The following EIF2S1 variants were observed in gnomAD, a reference collection of about 807,000 sequenced individuals.
EIF2S1 encodes eukaryotic translation initiation factor 2 subunit 1.
Under a neutral mutation model 33.5 loss-of-function variants are expected in EIF2S1, and 5 were observed. The ratio of observed to expected loss-of-function variants is 0.15; its 90% CI spans 0.08 to 0.31. The LOEUF (loss-of-function observed/expected upper bound fraction) is 0.31, where lower values mean the gene tolerates loss of function less well. EIF2S1 is among the 10% of genes least tolerant of loss of function. The pLI is 1.00. For missense variants in EIF2S1, 191 were observed against 384.6 expected, an observed-to-expected ratio of 0.50 and a Z score of 4.21; for synonymous variants, 99 against 127.5, an observed-to-expected ratio of 0.78 and a Z score of 1.51.
At chr14:67,382,695 G>A in intron 7 of EIF2S1, 105 bp downstream of exon 7, 2 of 1,311,334 alleles carry the variant, frequency 1.5e-6, no homozygotes, top group Non-Finnish European at 2.2e-6. Context: ...ATTGTAGGAT[G>A]GTCATTCAGG....
intron 1 of EIF2S1, among the ~76,000 whole-genome samples, chr14:67,362,318 C>T (rs1015134831): frequency 6.6e-6 from 1 of 151,916 alleles, no homozygotes; most frequent in Non-Finnish European, 1.5e-5. Flanking sequence ...CTGCGCCTGG[C>T]CTGGTAAGAG....
At position 67,384,390 on chromosome 14, in the gene EIF2S1, C is replaced by T. The variant is rs1161557478; in HGVS notation, c.*950C>T. ...TTGTTTTTTTTTTTTTACATGTTTC[C>T]ATCATTTCTGTCTTTAAGAACTAAT... is the stretch of plus-strand genomic sequence containing the variant. On this transcript the variant is annotated 3_prime_UTR_variant, in exon 8 of 8. Coordinates refer to ENST00000256383, the MANE Select transcript of EIF2S1 (RefSeq NM_004094.5). 1.3e-5 allele frequency: 2 copies of T among 150,064 alleles called. No homozygotes were observed. The highest frequency in any genetic ancestry group is 1.3e-4 in the Admixed American group (2 of 15,066). 9.3% of individuals were successfully genotyped at this position (150,064 alleles called of 1,614,324 possible).
chr14:67,385,281 G>C lies in EIF2S1; in HGVS notation c.*1841G>C, dbSNP rs1315336419. ...TAACTTGAAGAACAGGCTTGGCAAA[G>C]AAGTAAGTTTATCCAAATCTTGAAT... is the stretch of plus-strand genomic sequence containing the variant. On this transcript the variant is annotated 3_prime_UTR_variant, in exon 8 of 8. Coordinates refer to ENST00000256383, the MANE Select transcript of EIF2S1 (RefSeq NM_004094.5). The C allele has an allele frequency of 2.0e-5, 3 of 152,150 alleles. No homozygotes were observed. Among genetic ancestry groups the C allele is most frequent in the Non-Finnish European group, 4.4e-5 (3 of 68,026 alleles). The allele number at this position is 152,150 out of a possible 1,614,324, so 9.4% of individuals were successfully genotyped here.
intron 2 of EIF2S1, among the ~76,000 whole-genome samples, chr14:67,367,520 C>T (rs1223723031): frequency 6.6e-6 from 1 of 152,254 alleles, no homozygotes; most frequent in East Asian, 1.9e-4. Context: ...TGAGCCACCA[C>T]GCCCCACCCC....
intron 2 of EIF2S1, among the ~76,000 whole-genome samples, chr14:67,367,948 C>G (rs1329407891): frequency 6.6e-6 from 1 of 152,086 alleles, no homozygotes; most frequent in East Asian, 1.9e-4. Context: ...TTCTTAGTTT[C>G]TTTAAAAATA....
At chr14:67,382,680 G>A (rs1218827708) in intron 7 of EIF2S1, 90 bp downstream of exon 7, 1 of 1,469,168 alleles carries the variant, frequency 6.8e-7, no homozygotes, top group Admixed American at 1.7e-5. Context: ...GCCTTGGAAT[G>A]TCATATTGTA....
intron 2 of EIF2S1, among the ~76,000 whole-genome samples, chr14:67,373,663 A>G (rs919811229): frequency 2.6e-5 from 4 of 152,192 alleles, no homozygotes; most frequent in Non-Finnish European, 5.9e-5. Context: ...TTGACAAGTT[A>G]CTTAACCTTT....
In EIF2S1 at chr14:67,364,835, A is replaced by G; in HGVS notation, c.68A>G (p.Asn23Ser). 6.2e-7 allele frequency: 1 copy of G among 1,614,038 alleles called. No homozygotes were observed. The highest frequency in any genetic ancestry group is 8.5e-7 in the Non-Finnish European group (1 of 1,179,960). Residue 23 changes from asparagine to serine, a missense_variant, in exon 2 of 8, where the codon AAT becomes AGT. Asn to Ser is a conservative substitution (Grantham distance 46). Coordinates refer to ENST00000256383, the MANE Select transcript of EIF2S1 (RefSeq NM_004094.5). ...FPEVEDVVMV[N>S]VRSIAEMGAY... The stretch of plus-strand genomic sequence containing the variant: ...GAGGTGGAAGATGTAGTGATGGTGA[A>G]TGTCAGATCCATTGCTGAAATGGGG...
intron 2 of EIF2S1, among the ~76,000 whole-genome samples, chr14:67,368,515 C>T (rs747647840): frequency 6.6e-6 from 1 of 152,084 alleles, no homozygotes; most frequent in Non-Finnish European, 1.5e-5. Flanking sequence ...ATAGTTAATA[C>T]AGTTGGCTCT....
chr14:67,375,645 T>G (rs527893788), intron 3 of EIF2S1, among the ~76,000 whole-genome samples: 1 of 152,250 alleles, frequency 6.6e-6, no homozygotes, highest in African/African-American at 2.4e-5. Flanking sequence ...TTTGTTTTAC[T>G]GATGTATTTA....
Position 67,376,602 on chromosome 14 carries a change from T to G in EIF2S1, c.473+12T>G, listed in dbSNP as rs2085858747. Reference sequence around the variant, plus strand: ...AAGCATGCAGTCTCGTAAGAATACCTTCTTGACTCTCCTTCTACCTTGATA... The same window carrying G: ...AAGCATGCAGTCTCGTAAGAATACCGTCTTGACTCTCCTTCTACCTTGATA... On this transcript the variant is annotated intron_variant, in intron 4 of 7. Coordinates refer to ENST00000256383, the MANE Select transcript of EIF2S1 (RefSeq NM_004094.5). 1 of 1,611,168 alleles carries G rather than the reference T, an allele frequency of 6.2e-7. No individual in the cohort carries two copies. The highest frequency in any genetic ancestry group is 8.5e-7 in the Non-Finnish European group (1 of 1,178,196).
At chr14:67,365,752 A>G (rs980149461) in intron 2 of EIF2S1, among the ~76,000 whole-genome samples, 1 of 152,232 alleles carries the variant, frequency 6.6e-6, no homozygotes. Flanking sequence ...GAAAGGCTTC[A>G]TATCAGTCAC....
intron 2 of EIF2S1, among the ~76,000 whole-genome samples, chr14:67,373,842 A>AGTGTGTGTGTGTGTGT (rs35163593): frequency 3.0e-4 from 44 of 145,798 alleles, no homozygotes; most frequent in African/African-American, 8.2e-4. Flanking sequence ...TAATTTGTTC[A>AGTGTGTGTGTGTGTGT]GTGTGTGTGT....
Position 67,363,607 on chromosome 14 carries a change from T to TAG in EIF2S1, c.-1-1159_-1-1158insGA, listed in dbSNP as rs1458156749. Among the ~76,000 whole-genome samples the TAG allele has an allele frequency of 4.6e-5, 7 of 152,270 alleles. No homozygotes were observed. In the East Asian group the frequency reaches 1.4e-3, roughly 29 times the overall value. On this transcript the variant is annotated intron_variant, in intron 1 of 7. Transcript: ENST00000256383. ...TGTTAGCAGTATGTGAAAGAACAAG[T>TAG]AACTTAACCTGTGCTTCAGTTTTTT...
chr14:67,380,448 G>C (rs2085882003), intron 4 of EIF2S1, among the ~76,000 whole-genome samples: 1 of 152,118 alleles, frequency 6.6e-6, no homozygotes, highest in Non-Finnish European at 1.5e-5. Flanking sequence ...GTTTTAGTCA[G>C]ATCACTAAAA....
chr14:67,379,654 C>CTTTTTTTTTTTTTTTTT (rs541791101), intron 4 of EIF2S1, among the ~76,000 whole-genome samples: 21 of 119,950 alleles, frequency 1.8e-4, no homozygotes, highest in South Asian at 1.2e-3. Context: ...TTTTCTTTTT[C>CTTTTTTTTTTTTTTTTT]TTTTTTTTTT....
Position 67,379,654 on chromosome 14 carries a change from C to CTTTTTTTTTTTTTT in EIF2S1, c.474-1000_474-987dup, listed in dbSNP as rs541791101. Among the ~76,000 whole-genome samples, 89 of 119,946 alleles carry CTTTTTTTTTTTTTT rather than the reference C, an allele frequency of 7.4e-4. 1 individual carries two copies. The highest frequency in any genetic ancestry group is 1.3e-3 in the African/African-American group (37 of 27,662). The allele number at this position is 119,946 out of a possible 152,430, so 78.7% of individuals were successfully genotyped here. ...GACATAACTTTCTTTTTTTCTTTTTCTTTTTTTTTTTTTTTTTTGAGACGG... is the reference window on the plus strand; with the variant it reads ...GACATAACTTTCTTTTTTTCTTTTTCTTTTTTTTTTTTTTTTTTTTTTTTTTTTTTTTGAGACGG... On this transcript the variant is annotated intron_variant, in intron 4 of 7. Transcript: ENST00000256383.
chr14:67,374,096 G>C (rs1433213168), intron 2 of EIF2S1, among the ~76,000 whole-genome samples: 2 of 152,026 alleles, frequency 1.3e-5, no homozygotes, highest in African/African-American at 4.8e-5. Flanking sequence ...CTCTCATCTT[G>C]TACAGATTGA....
chr14:67,370,846 G>A (rs148910165), intron 2 of EIF2S1, among the ~76,000 whole-genome samples: 12 of 151,868 alleles, frequency 7.9e-5, no homozygotes, highest in African/African-American at 2.7e-4. Context: ...GAAACATGAC[G>A]AAACCTCATC....
Sources: allele counts gnomAD v4.1 joint callset (sites outside exome capture counted in the v4.1 genomes callset), GRCh38; gene constraint gnomAD v4.1.1; transcripts MANE v1.5; gene names NCBI Gene and HGNC (gene_info 2026-07-23, HGNC 2026-07-21).